The following IVD variants were observed in gnomAD, a reference collection of about 807,000 sequenced individuals.
IVD encodes the protein isovaleryl-CoA dehydrogenase, mitochondrial.
Under a neutral mutation model 51.3 loss-of-function variants are expected in IVD, and 31 were observed. That is an observed-to-expected ratio of 0.60 (90% CI 0.45 to 0.81). The LOEUF (loss-of-function observed/expected upper bound fraction) is 0.81. Among genes scored for constraint, IVD ranks in the 40% least tolerant of loss-of-function variants. The pLI is 0.00. For missense variants in IVD, 475 were observed against 552.0 expected, an observed-to-expected ratio of 0.86 and a Z score of 1.40; for synonymous variants, 205 against 219.4, an observed-to-expected ratio of 0.93 and a Z score of 0.58.
chr15:40,410,868 T>A, intron 4 of IVD, 71 bp downstream of exon 4: 1 of 1,553,792 alleles, frequency 6.4e-7, no homozygotes, highest in Non-Finnish European at 8.8e-7. Flanking sequence ...CCCTCTCCCC[T>A]TGGGGGCCAG....
chr15:40,416,418 T>TGC, intron 11 of IVD, 56 bp downstream of exon 11: 1 of 1,557,336 alleles, frequency 6.4e-7, no homozygotes, highest in Non-Finnish European at 8.8e-7. Flanking sequence ...GGCCTGTGGC[T>TGC]GCTTCAGAAA....
rs1003710000 is a variant in IVD at position 40,413,142 on chromosome 15, C to T, written c.784+55C>T. 5.0e-5 allele frequency: 69 copies of T among 1,391,292 alleles called. No individual in the cohort carries two copies. The African/African-American group carries it at 8.6e-4, about 17-fold the overall frequency. The allele number at this position is 1,391,292 out of a possible 1,614,324, so 86.2% of individuals were successfully genotyped here. Reference sequence around the variant, plus strand: ...TCTCCTGACCCCCTTCCAGGCTGATCTGGCTGTTCTCAAGTTGAGAAAGCC... The same window carrying T: ...TCTCCTGACCCCCTTCCAGGCTGATTTGGCTGTTCTCAAGTTGAGAAAGCC... On this transcript the variant is annotated intron_variant, in intron 7 of 11. Transcript: ENST00000487418.
Position 40,420,401 on chromosome 15 carries a change from T to G in IVD, c.*2138T>G. 5 of 987,682 alleles carry G rather than the reference T, an allele frequency of 5.1e-6. No homozygotes were observed. The highest frequency in any genetic ancestry group is 6.0e-6 in the Non-Finnish European group (5 of 830,122). The allele number at this position is 987,682 out of a possible 1,614,324, so 61.2% of individuals were successfully genotyped here. On this transcript the variant is annotated 3_prime_UTR_variant, in exon 12 of 12. Coordinates refer to ENST00000487418, the MANE Select transcript of IVD (RefSeq NM_002225.5). Reference sequence around the variant, plus strand: ...ACCCTATGGCTAATTTTGTTATAACTGCACAGTGGCTGCTGCCATTTTGTA... The same window carrying G: ...ACCCTATGGCTAATTTTGTTATAACGGCACAGTGGCTGCTGCCATTTTGTA...
chr15:40,417,062 A>G (rs1459058171), intron 11 of IVD, among the ~76,000 whole-genome samples: 1 of 150,826 alleles, frequency 6.6e-6, no homozygotes, highest in Non-Finnish European at 1.5e-5. Flanking sequence ...AAATTAGCCA[A>G]GTGTGGTGGC....
intron 11 of IVD, 106 bp from the exon 12 acceptor site, chr15:40,418,024 A>G: frequency 8.5e-6 from 12 of 1,408,428 alleles, no homozygotes; most frequent in Non-Finnish European, 1.2e-5. Flanking sequence ...GCTTTTCTTT[A>G]ATCACCCTCT....
At chr15:40,407,811 T>C (rs538179383) in intron 2 of IVD, 86 bp downstream of exon 2, 20 of 1,400,882 alleles carry the variant, frequency 1.4e-5, no homozygotes, top group African/African-American at 1.3e-4. Context: ...CACAGTTTTC[T>C]GGTAAATGAA....
chr15:40,410,847 A>G, intron 4 of IVD, 50 bp downstream of exon 4: 1 of 1,597,372 alleles, frequency 6.3e-7, no homozygotes, highest in African/African-American at 1.3e-5. Context: ...GCAACCACCA[A>G]CTAAAAGATA....
downstream of IVD, among the ~76,000 whole-genome samples, chr15:40,429,014 C>T (rs556057507): frequency 1.3e-5 from 2 of 152,318 alleles, no homozygotes; most frequent in South Asian, 2.1e-4. Flanking sequence ...CCTATGGCCA[C>T]TCCTGTGGGC....
At chr15:40,414,586 T>G (rs2141349956) in intron 7 of IVD, 1 of 374,838 alleles carries the variant, frequency 2.7e-6, no homozygotes, top group South Asian at 2.1e-5. Context: ...ATTGGGTGAC[T>G]TCTAGACCAA....
At position 40,420,416 on chromosome 15, in the gene IVD, GC is replaced by G. The variant is rs776320823; in HGVS notation, c.*2155del. On this transcript the variant is annotated 3_prime_UTR_variant, in exon 12 of 12. Transcript: ENST00000487418. The stretch of plus-strand genomic sequence containing the variant: ...TTGTTATAACTGCACAGTGGCTGCT[GC>G]CATTTTGTATTAAATATATTGTGAA... 3.1e-5 allele frequency: 31 copies of G among 987,556 alleles called. No homozygotes were observed. Among genetic ancestry groups the G allele is most frequent in the Non-Finnish European group, 3.6e-5 (30 of 830,130 alleles). The allele number at this position is 987,556 out of a possible 1,614,324, so 61.2% of individuals were successfully genotyped here. A position where few individuals can be genotyped will look rare whatever the true frequency, so the allele number is the denominator to read the frequency against.
chr15:40,424,170 G>C (rs1046868207), downstream of IVD: 67 of 1,288,018 alleles, frequency 5.2e-5, no homozygotes, highest in Non-Finnish European at 6.0e-5. Flanking sequence ...CACTGAACCA[G>C]TGAACTATCA....
intron 9 of IVD, 81 bp downstream of exon 9, chr15:40,415,563 C>T (rs1172297355): frequency 2.5e-6 from 3 of 1,201,656 alleles, no homozygotes; most frequent in Non-Finnish European, 3.6e-6. Context: ...GAGGTGGGCA[C>T]CGTGGATGGT....
Position 40,410,654 on chromosome 15 carries a change from T to C in IVD, c.313T>C (p.Tyr105His), listed in dbSNP as rs774428483. The stretch of plus-strand genomic sequence containing the variant: ...TCAGTATGGCGGCTCCGGCCTGGGC[T>C]ACCTGGAGCATGTGCTGGTGATGGA... ...PVQYGGSGLG[Y>H]LEHVLVMEEI... The change falls in exon 4 of 12, where the codon TAC becomes CAC. Residue 105 changes from tyrosine (Y) to histidine (H), a missense_variant. Tyr to His is a moderately conservative substitution (Grantham distance 83). Coordinates refer to ENST00000487418, the MANE Select transcript of IVD (RefSeq NM_002225.5). 1.2e-6 allele frequency: 2 copies of C among 1,614,234 alleles called. No homozygotes were observed. Among genetic ancestry groups the C allele is most frequent in the Admixed American group, 3.3e-5 (2 of 60,024 alleles).
chr15:40,423,768 G>C (rs1239358334), downstream of IVD, among the ~76,000 whole-genome samples: 1 of 152,206 alleles, frequency 6.6e-6, no homozygotes, highest in African/African-American at 2.4e-5. Flanking sequence ...CCCAAGGATA[G>C]TTCTTTAAAG....
At chr15:40,416,207 G>T in intron 10 of IVD, 25 bp downstream of exon 10, 1 of 1,613,348 alleles carries the variant, frequency 6.2e-7, no homozygotes, top group Non-Finnish European at 8.5e-7. Flanking sequence ...CAGTCGGGGA[G>T]AGGCGGGGGC....
rs1040734501 is a variant in IVD, at chr15:40,421,033, C to T, written c.*2770C>T. 2 of 985,320 alleles carry T rather than the reference C, an allele frequency of 2.0e-6. No individual in the cohort carries two copies. Among genetic ancestry groups the T allele is most frequent in the Non-Finnish European group, 2.4e-6 (2 of 829,984 alleles). The allele number at this position is 985,320 out of a possible 1,614,324, so 61.0% of individuals were successfully genotyped here. On this transcript the variant is annotated 3_prime_UTR_variant, in exon 12 of 12. Coordinates refer to ENST00000487418, the MANE Select transcript of IVD (RefSeq NM_002225.5). ...GGTTGGCTCCTCACCAACCCCAGTT[C>T]CGTCCCATCCTGAGGGCAAGATCCT...
chr15:40,420,992 G>A lies in IVD; in HGVS notation c.*2729G>A. On this transcript the variant is annotated 3_prime_UTR_variant, in exon 12 of 12. Transcript: ENST00000487418. ...CAGCCAAGTGCTGTTCCTAGCCTGA[G>A]GCTTGAGACAGGTGGGGTTGGCTCC... 3.0e-6 allele frequency: 3 copies of A among 985,492 alleles called. No homozygotes were observed. Among genetic ancestry groups the A allele is most frequent in the Non-Finnish European group, 3.6e-6 (3 of 829,968 alleles). 61.0% of individuals were successfully genotyped at this position (985,492 alleles called of 1,614,324 possible).
At chr15:40,429,619 G>A (rs776557091) in intron 7 of IVD, among the ~76,000 whole-genome samples, 15 of 152,168 alleles carry the variant, frequency 9.9e-5, no homozygotes, top group Non-Finnish European at 2.2e-4. Flanking sequence ...CAGGGGGCGG[G>A]GGCAGGCTGC....
At chr15:40,429,112 T>C (rs1444445132), downstream of IVD, among the ~76,000 whole-genome samples, 1 of 152,074 alleles carries the variant, frequency 6.6e-6, no homozygotes, top group African/African-American at 2.4e-5. Context: ...TACAACTCAT[T>C]TCCCTGCTGC....
Sources: allele counts gnomAD v4.1 joint callset (sites outside exome capture counted in the v4.1 genomes callset), GRCh38; gene constraint gnomAD v4.1.1; transcripts MANE v1.5; gene names NCBI Gene and HGNC (gene_info 2026-07-23, HGNC 2026-07-21).